Variants in OPCML observed in about 807,000 individuals in gnomAD.
The protein encoded by OPCML is opioid-binding protein/cell adhesion molecule.
OPCML carries 13 observed loss-of-function variants against 37.8 expected under a neutral mutation model. That is an observed-to-expected ratio of 0.34 (90% CI 0.22 to 0.55). OPCML has a LOEUF of 0.55. OPCML is among the 20% of genes least tolerant of loss of function. The pLI, the probability that OPCML is intolerant of heterozygous loss-of-function variation, is 0.91. For synonymous variants in OPCML, 176 were observed against 168.8 expected, an observed-to-expected ratio of 1.04 and a Z score of -0.33; for missense variants, 341 against 435.6, an observed-to-expected ratio of 0.78 and a Z score of 1.93.
At chr11:133,297,729 G>A (rs1942665979) in intron 1 of OPCML, 1 of 152,194 alleles carries the variant, frequency 6.6e-6, no homozygotes, top group Admixed American at 6.5e-5. Context: ...CCTGGTAAGT[G>A]TATAATGAGG....
At chr11:133,285,561 A>G (rs1398794729) in intron 1 of OPCML, among the ~76,000 whole-genome samples, 2 of 152,198 alleles carry the variant, frequency 1.3e-5, no homozygotes, top group Non-Finnish European at 2.9e-5. Context: ...AAGGGTAATA[A>G]CAAAGGCTCA....
intron 3 of OPCML, among the ~76,000 whole-genome samples, chr11:132,534,012 A>G (rs1429127966): frequency 6.6e-6 from 1 of 152,190 alleles, no homozygotes; most frequent in Non-Finnish European, 1.5e-5. Context: ...CCCTATAAAC[A>G]TAATGTATGA....
intron 1 of OPCML, chr11:133,066,447 A>C (rs562383098): frequency 5.5e-4 from 84 of 152,278 alleles, no homozygotes; most frequent in African/African-American, 2.0e-3. Context: ...GTTCCTTGTT[A>C]GTTCAAGGAA....
At chr11:133,297,036 C>G (rs1024179684) in intron 1 of OPCML, among the ~76,000 whole-genome samples, 1 of 152,116 alleles carries the variant, frequency 6.6e-6, no homozygotes, top group Non-Finnish European at 1.5e-5. Flanking sequence ...CCATGTGCCC[C>G]GCCATGCTGC....
chr11:133,108,635 C>A (rs1484600111), intron 1 of OPCML, among the ~76,000 whole-genome samples: 1 of 152,070 alleles, frequency 6.6e-6, no homozygotes. Flanking sequence ...CATTCTGAGC[C>A]TACACTAACC....
At chr11:132,931,524 C>A (rs977516141) in intron 2 of OPCML, among the ~76,000 whole-genome samples, 20 of 151,998 alleles carry the variant, frequency 1.3e-4, no homozygotes, top group Admixed American at 1.0e-3. Context: ...GACATTTCTC[C>A]AAAGAAGGAT....
chr11:133,124,746 T>C (rs959042216), intron 1 of OPCML, among the ~76,000 whole-genome samples: 9 of 152,140 alleles, frequency 5.9e-5, no homozygotes, highest in African/African-American at 2.2e-4. Context: ...ATCCTCAAAA[T>C]ATTTTCCTCA....
intron 3 of OPCML, among the ~76,000 whole-genome samples, chr11:132,577,776 A>G (rs1256166622): frequency 6.6e-6 from 1 of 152,202 alleles, no homozygotes; most frequent in Non-Finnish European, 1.5e-5. Flanking sequence ...GCTGCTCAGT[A>G]ACCCTGTCTA....
chr11:132,481,196 CACATAGGCTCAAAATAAAGGG>C (rs2096179163), intron 4 of OPCML, among the ~76,000 whole-genome samples: 1 of 152,078 alleles, frequency 6.6e-6, no homozygotes, highest in African/African-American at 2.4e-5. Flanking sequence ...TGCAGAGACA[CACATAGGCTCAAAATAAAGGG>C]ATGGAGGAAG....
At chr11:133,473,962 T>C (rs775317049) in intron 1 of OPCML, among the ~76,000 whole-genome samples, 3 of 152,212 alleles carry the variant, frequency 2.0e-5, no homozygotes, top group Non-Finnish European at 4.4e-5. Context: ...TGGATTCTAA[T>C]TGAGAATGGG....
Position 133,211,857 on chromosome 11 carries a change from C to T in OPCML, c.62-268847G>A, listed in dbSNP as rs879299394. 6.6e-6 allele frequency among the ~76,000 whole-genome samples: 1 copy of T among 152,210 alleles called. No homozygotes were observed. Among genetic ancestry groups the T allele is most frequent in the Non-Finnish European group, 1.5e-5 (1 of 68,036 alleles). ...AGAGTATAAGCATTTGACTCAAACT[C>T]TTCAAGATAGGGAGTTAAAGAATGC... On this transcript the variant is annotated intron_variant, in intron 1 of 7. Transcript: ENST00000524381. The surrounding 1 kb of genome is among the most constrained non-coding windows in gnomAD (Gnocchi z 4.1).
At position 132,418,468 on chromosome 11, in the gene OPCML, T is replaced by A. The variant is rs141567363; in HGVS notation, c.*1725A>T. The A allele has an allele frequency of 4.1e-4, 63 of 152,734 alleles. No individual in the cohort carries two copies. The East Asian group carries it at 9.8e-3, about 24-fold the overall frequency. The allele number at this position is 152,734 out of a possible 1,614,324, so 9.5% of individuals were successfully genotyped here. A position where few individuals can be genotyped will look rare whatever the true frequency, so the allele number is the denominator to read the frequency against. On this transcript the variant is annotated 3_prime_UTR_variant, in exon 8 of 8. Transcript: ENST00000524381. The stretch of plus-strand genomic sequence containing the variant: ...CTGGTGAAGTTCTTCCCCAAAGCCA[T>A]TGGAGAAGCAGCTGCATCAGAGGAA...
intron 2 of OPCML, among the ~76,000 whole-genome samples, chr11:132,875,522 T>G (rs895444859): frequency 1.3e-5 from 2 of 150,534 alleles, no homozygotes; most frequent in African/African-American, 2.5e-5. Flanking sequence ...TGGAATGCAA[T>G]GGCATGATCT....
At chr11:133,005,300 C>T in intron 1 of OPCML, 1 of 985,208 alleles carries the variant, frequency 1.0e-6, no homozygotes, top group Non-Finnish European at 1.2e-6. Flanking sequence ...GAATGAATGG[C>T]TAGATCCATT....
intron 3 of OPCML, among the ~76,000 whole-genome samples, chr11:132,555,304 T>A (rs931355300): frequency 5.9e-5 from 9 of 151,816 alleles, no homozygotes; most frequent in Non-Finnish European, 1.2e-4. Flanking sequence ...ATCATGGCAG[T>A]AGGAAAAGGC....
chr11:132,509,211 T>C (rs2096263600), intron 4 of OPCML, among the ~76,000 whole-genome samples: 1 of 152,114 alleles, frequency 6.6e-6, no homozygotes, highest in Non-Finnish European at 1.5e-5. Context: ...TGATTTTGGG[T>C]ATCTGGCAGA....
chr11:133,280,062 G>A (rs1245607715), intron 1 of OPCML, among the ~76,000 whole-genome samples: 2 of 152,164 alleles, frequency 1.3e-5, no homozygotes, highest in African/African-American at 2.4e-5. Context: ...GTTGCATTGT[G>A]TATGAGCATT....
At chr11:133,083,515 G>T (rs916846543) in intron 1 of OPCML, among the ~76,000 whole-genome samples, 41 of 152,230 alleles carry the variant, frequency 2.7e-4, no homozygotes, top group African/African-American at 9.9e-4. Flanking sequence ...TGCATCCAGC[G>T]TGCCTGCTCC....
intron 2 of OPCML, among the ~76,000 whole-genome samples, chr11:132,871,622 A>G (rs1942797408): frequency 6.6e-6 from 1 of 152,206 alleles, no homozygotes; most frequent in African/African-American, 2.4e-5. Flanking sequence ...GGTTATGTCC[A>G]CTGCTTAGCT....
Sources: gnomAD v4.1 joint callset for allele counts (sites outside exome capture counted in the v4.1 genomes callset) on GRCh38, gnomAD v4.1.1 for gene constraint, Gnocchi (gnomAD v3.1) non-coding constraint, MANE v1.5 for transcripts, NCBI Gene and HGNC (gene_info 2026-07-23, HGNC 2026-07-21) for gene names.